MARCHF3: variants seen among roughly 807,000 people sequenced by gnomAD.
MARCHF3 encodes the protein E3 ubiquitin-protein ligase MARCHF3.
A neutral mutation model predicts 24.2 loss-of-function variants in MARCHF3; 13 were observed. That is an observed-to-expected ratio of 0.54 (90% CI 0.35 to 0.85). MARCHF3 has a LOEUF of 0.85. Among genes scored for constraint, MARCHF3 ranks in the 40% least tolerant of loss-of-function variants. The pLI, the probability that MARCHF3 is intolerant of heterozygous loss-of-function variation, is 0.01. For synonymous variants in MARCHF3, 144 were observed against 137.3 expected (o/e 1.05, Z -0.34); for missense variants, 276 against 325.0 (o/e 0.85, Z 1.16).
chr5:126,890,122 G>A (rs939010755), intron 3 of MARCHF3, among the ~76,000 whole-genome samples: 1 of 152,132 alleles, frequency 6.6e-6, no homozygotes, highest in African/African-American at 2.4e-5. Context: ...AGATTACCAG[G>A]TGAAGACACC....
intron 1 of MARCHF3, among the ~76,000 whole-genome samples, chr5:126,977,899 A>T (rs1401536454): frequency 6.6e-6 from 1 of 152,220 alleles, no homozygotes; most frequent in Non-Finnish European, 1.5e-5. Flanking sequence ...TACAAACAAA[A>T]ATTGTCATCC....
intron 1 of MARCHF3, among the ~76,000 whole-genome samples, chr5:127,011,053 TATAA>T (rs1351364867): frequency 1.3e-5 from 2 of 152,202 alleles, no homozygotes; most frequent in Admixed American, 6.5e-5. Context: ...ACAAAAATAA[TATAA>T]ATAATAAAAA....
intron 1 of MARCHF3, among the ~76,000 whole-genome samples, chr5:126,921,443 G>A (rs1749104567): frequency 6.6e-6 from 1 of 152,132 alleles, no homozygotes; most frequent in Non-Finnish European, 1.5e-5. Context: ...CAAGCTGCAT[G>A]CACCAACTGG....
At chr5:127,012,801 G>C (rs982691101) in intron 1 of MARCHF3, among the ~76,000 whole-genome samples, 1 of 152,188 alleles carries the variant, frequency 6.6e-6, no homozygotes, top group African/African-American at 2.4e-5. Context: ...AAATTAAGAA[G>C]AATGCAATCA....
intron 1 of MARCHF3, among the ~76,000 whole-genome samples, chr5:126,925,779 G>C (rs975847549): frequency 6.6e-6 from 1 of 152,176 alleles, no homozygotes; most frequent in African/African-American, 2.4e-5. Flanking sequence ...TTCAAAAATT[G>C]AGAGGAGCAG....
At chr5:126,956,821 C>T (rs1359126911) in intron 1 of MARCHF3, among the ~76,000 whole-genome samples, 3 of 152,146 alleles carry the variant, frequency 2.0e-5, no homozygotes, top group Admixed American at 6.5e-5. Flanking sequence ...ATTTTACTTT[C>T]ATCAGTAGTT....
At chr5:126,988,728 A>G (rs1580710775) in intron 1 of MARCHF3, among the ~76,000 whole-genome samples, 1 of 152,184 alleles carries the variant, frequency 6.6e-6, no homozygotes, top group Non-Finnish European at 1.5e-5. Flanking sequence ...AGGCAAGAGT[A>G]TAAGCTTATT....
chr5:127,014,420 A>G (rs1752567299), intron 1 of MARCHF3, among the ~76,000 whole-genome samples: 1 of 150,782 alleles, frequency 6.6e-6, no homozygotes, highest in Admixed American at 6.7e-5. Flanking sequence ...AACTAAAAAC[A>G]GAACTACTGT....
At chr5:126,911,345 G>A (rs1376679892) in intron 3 of MARCHF3, among the ~76,000 whole-genome samples, 1 of 152,060 alleles carries the variant, frequency 6.6e-6, no homozygotes, top group East Asian at 1.9e-4. Context: ...GGGCATCACA[G>A]AACCTGCCGA....
intron 1 of MARCHF3, among the ~76,000 whole-genome samples, chr5:126,922,886 C>T (rs1749169023): frequency 6.6e-6 from 1 of 152,142 alleles, no homozygotes; most frequent in South Asian, 2.1e-4. Flanking sequence ...CATGTCTGGT[C>T]AACCTCTACC....
intron 3 of MARCHF3, among the ~76,000 whole-genome samples, chr5:126,909,607 C>G (rs1561420712): frequency 6.6e-6 from 1 of 152,216 alleles, no homozygotes; most frequent in Non-Finnish European, 1.5e-5. Flanking sequence ...TCACCACTTT[C>G]TTTGACTAGG....
intron 4 of MARCHF3, among the ~76,000 whole-genome samples, chr5:126,873,564 G>C (rs1324951391): frequency 6.6e-6 from 1 of 152,160 alleles, no homozygotes; most frequent in African/African-American, 2.4e-5. Flanking sequence ...GAATGAGAGA[G>C]TGCATTTTAA....
At chr5:126,989,387 T>C (rs1447680109) in intron 1 of MARCHF3, among the ~76,000 whole-genome samples, 1 of 151,888 alleles carries the variant, frequency 6.6e-6, no homozygotes, top group Non-Finnish European at 1.5e-5. Context: ...CAAATGTAGG[T>C]TTAGAGGCTA....
At chr5:126,898,374 C>T (rs376122800) in intron 3 of MARCHF3, among the ~76,000 whole-genome samples, 20 of 152,142 alleles carry the variant, frequency 1.3e-4, no homozygotes, top group African/African-American at 4.1e-4. Context: ...CTTCGTCTAA[C>T]GGAGTGATTT....
At chr5:126,975,094 C>G (rs1274582653) in intron 1 of MARCHF3, among the ~76,000 whole-genome samples, 3 of 152,124 alleles carry the variant, frequency 2.0e-5, no homozygotes, top group Admixed American at 2.0e-4. Context: ...GTAGCTGGGA[C>G]TATAGGCGCA....
chr5:126,995,196 C>T (rs1000789353), intron 1 of MARCHF3, among the ~76,000 whole-genome samples: 3 of 152,206 alleles, frequency 2.0e-5, no homozygotes, highest in East Asian at 1.9e-4. Context: ...TTAACCACTA[C>T]TCTTGGTCTG....
At chr5:126,961,750 T>A (rs1750644052) in intron 1 of MARCHF3, among the ~76,000 whole-genome samples, 1 of 152,314 alleles carries the variant, frequency 6.6e-6, no homozygotes, top group East Asian at 1.9e-4. Flanking sequence ...ATAGTCATAA[T>A]AAACTTGTCT....
At chr5:126,964,489 A>G (rs1750739503) in intron 1 of MARCHF3, among the ~76,000 whole-genome samples, 1 of 152,242 alleles carries the variant, frequency 6.6e-6, no homozygotes, top group South Asian at 2.1e-4. Context: ...AATTTACAAA[A>G]TGGTCTTTAA....
chr5:126,961,061 C>T lies in MARCHF3; in HGVS notation c.-56-42834G>A, dbSNP rs139600746. On this transcript the variant is annotated intron_variant, in intron 1 of 4. Coordinates refer to ENST00000308660, the MANE Select transcript of MARCHF3 (RefSeq NM_178450.5). ...TTATACAAATGCAGCTGATGGTGTA[C>T]TTAGTACAGATAATAAGATGAGGTG... Among the ~76,000 whole-genome samples, 203 of 152,148 alleles carry T rather than the reference C, an allele frequency of 1.3e-3. 2 individuals are homozygous for T. Among genetic ancestry groups the T allele is most frequent in the African/African-American group, 4.7e-3 (194 of 41,536 alleles).
Sources: allele counts gnomAD v4.1 joint callset (sites outside exome capture counted in the v4.1 genomes callset), GRCh38; gene constraint gnomAD v4.1.1; transcripts MANE v1.5; gene names NCBI Gene and HGNC (gene_info 2026-07-23, HGNC 2026-07-21).